Variants in VCAN observed in about 807,000 individuals in gnomAD.
VCAN encodes the protein versican core protein.
VCAN carries 44 observed loss-of-function variants against 245.5 expected under a neutral mutation model. The ratio of observed to expected loss-of-function variants is 0.18; its 90% CI spans 0.14 to 0.23. VCAN has a LOEUF of 0.23. Among genes scored for constraint, VCAN ranks in the 10% least tolerant of loss-of-function variants. The pLI, the probability that VCAN is intolerant of heterozygous loss-of-function variation, is 1.00. For missense variants in VCAN, 3,793 were observed against 4,057.9 expected (o/e 0.93, Z 1.77); for synonymous variants, 1,413 against 1,437.0 (o/e 0.98, Z 0.38).
chr5:83,472,294 A>C (rs1476008242), intron 1 of VCAN, among the ~76,000 whole-genome samples: 2 of 151,958 alleles, frequency 1.3e-5, no homozygotes, highest in Non-Finnish European at 2.9e-5. Context: ...TGACTAACGG[A>C]ATTGGGGGAA....
chr5:83,522,441 T>C, intron 7 of VCAN, 132 bp downstream of exon 7: 1 of 928,210 alleles, frequency 1.1e-6, no homozygotes, highest in East Asian at 2.6e-5. Context: ...AATAAATGTT[T>C]TAGCTTCATA....
chr5:83,565,447 GTC>G (rs1748045767), intron 12 of VCAN, among the ~76,000 whole-genome samples: 1 of 151,520 alleles, frequency 6.6e-6, no homozygotes, highest in African/African-American at 2.4e-5. Context: ...GAGAGACAGA[GTC>G]TCAAATTTAT....
intron 7 of VCAN, among the ~76,000 whole-genome samples, chr5:83,527,503 A>G (rs1298477017): frequency 6.6e-6 from 1 of 152,230 alleles, no homozygotes; most frequent in Non-Finnish European, 1.5e-5. Context: ...AATAAAAGGG[A>G]AGAGAATGTT....
intron 7 of VCAN, among the ~76,000 whole-genome samples, chr5:83,525,561 T>A (rs901725311): frequency 6.6e-6 from 1 of 152,210 alleles, no homozygotes; most frequent in Admixed American, 6.5e-5. Context: ...CAAATGCTCT[T>A]AGTTATAACC....
chr5:83,497,849 T>TA (rs982929025), intron 5 of VCAN, among the ~76,000 whole-genome samples: 3 of 152,184 alleles, frequency 2.0e-5, no homozygotes, highest in African/African-American at 7.2e-5. Context: ...GCAGATACTT[T>TA]AAAAAATAAG....
chr5:83,545,160 T>C (rs1747155865), intron 8 of VCAN: 1 of 319,824 alleles, frequency 3.1e-6, no homozygotes, highest in African/African-American at 2.1e-5. Context: ...TCACATGAAC[T>C]AACCCCATTT....
rs962773800 is a variant in VCAN, at chr5:83,542,013, C to T, written c.9010C>T (p.Leu3004Phe). 4 of 1,610,172 alleles carry T rather than the reference C, an allele frequency of 2.5e-6. No individual in the cohort carries two copies. In the African/African-American group the frequency reaches 4.0e-5, roughly 16 times the overall value. ...LSPQTSERPT[L>F]SSSPEINPET... ...TCCACAGACTTCTGAGAGGCCCACG[C>T]TTTCTTCTTCTCCAGAAATAAACCC... Residue 3004 changes from leucine to phenylalanine, a missense_variant, in exon 8 of 15, where the codon CTT becomes TTT. By Grantham distance (22) the Leu-to-Phe change is conservative (BLOSUM62 0). Around this residue, in one of 5 missense-constraint regions of VCAN, gnomAD observed 3,182 missense variants for 3,250.3 expected, o/e 0.98. Transcript: ENST00000265077.
intron 5 of VCAN, among the ~76,000 whole-genome samples, chr5:83,509,926 G>A (rs1745600129): frequency 6.6e-6 from 1 of 152,128 alleles, no homozygotes; most frequent in African/African-American, 2.4e-5. Flanking sequence ...ATGTGCTGTT[G>A]GGAAGGATAG....
intron 1 of VCAN, among the ~76,000 whole-genome samples, chr5:83,473,392 G>A (rs1231652038): frequency 2.6e-5 from 4 of 152,144 alleles, no homozygotes; most frequent in Non-Finnish European, 5.9e-5. Flanking sequence ...AATCTACACG[G>A]CGCCTGGAGA....
At chr5:83,548,771 C>T (rs1747339047) in intron 10 of VCAN, among the ~76,000 whole-genome samples, 2 of 152,212 alleles carry the variant, frequency 1.3e-5, no homozygotes, top group Non-Finnish European at 2.9e-5. Context: ...ATTTCCTCTA[C>T]TTAAACTCGT....
At chr5:83,491,214 T>C (rs1013991152) in intron 3 of VCAN, among the ~76,000 whole-genome samples, 4 of 152,178 alleles carry the variant, frequency 2.6e-5, no homozygotes, top group Non-Finnish European at 5.9e-5. Flanking sequence ...TTTAATTGGG[T>C]ACACACATAA....
chr5:83,514,426 A>ATG (rs1745773759), intron 6 of VCAN, among the ~76,000 whole-genome samples: 1 of 132,050 alleles, frequency 7.6e-6, no homozygotes, highest in South Asian at 2.6e-4. Context: ...TTTTTAGTGT[A>ATG]TATGTGTGTG....
Position 83,539,896 on chromosome 5 carries a change from T to C in VCAN, c.6893T>C (p.Ile2298Thr). ...GTGGAAAGTACCTCAAGTGACAAAA[T>C]TGAAGACTTTAACAGAATGGAAAAT... ...SQVESTSSDK[I>T]EDFNRMENVA... Residue 2298 changes from isoleucine (I) to threonine (T), a missense_variant, in exon 8 of 15, where the codon ATT becomes ACT. Ile to Thr is a moderately conservative substitution (Grantham distance 89). This residue lies in a region of VCAN where 3,182 missense variants were observed against 3,250.3 expected (regional missense o/e 0.98). Transcript: ENST00000265077. 4 of 1,614,040 alleles carry C rather than the reference T, an allele frequency of 2.5e-6. No individual in the cohort carries two copies. The highest frequency in any genetic ancestry group is 1.1e-5 in the South Asian group (1 of 91,084).
In VCAN at chr5:83,519,540, C is replaced by G; in HGVS notation, c.1234C>G (p.Pro412Ala). The change falls in exon 7 of 15, where the codon CCT (proline) becomes GCT (alanine). Residue 412 changes from proline to alanine, a missense_variant. By Grantham distance (27) the Pro-to-Ala change is conservative. This residue lies in a region of VCAN where 3,182 missense variants were observed against 3,250.3 expected (regional missense o/e 0.98). Coordinates refer to ENST00000265077, the MANE Select transcript of VCAN (RefSeq NM_004385.5). ...VSFEQKATVQ[P>A]QAITDSLATK... ...TTTTGAACAGAAAGCCACAGTCCAA[C>G]CTCAGGCTATCACAGATAGTTTAGC... The G allele has an allele frequency of 6.2e-7, 1 of 1,614,142 alleles. No individual in the cohort carries two copies. The highest frequency in any genetic ancestry group is 8.5e-7 in the Non-Finnish European group (1 of 1,179,986).
At chr5:83,546,637 G>C (rs1176614806) in intron 9 of VCAN, among the ~76,000 whole-genome samples, 1 of 152,000 alleles carries the variant, frequency 6.6e-6, no homozygotes, top group Non-Finnish European at 1.5e-5. Context: ...CAGCTACTTG[G>C]GAGGCTGAGG....
In VCAN at chr5:83,538,862, G is replaced by A. The variant is rs80028865; in HGVS notation, c.5859G>A (p.Thr1953=). 39 of 1,613,924 alleles carry A rather than the reference G, an allele frequency of 2.4e-5. 1 individual carries two copies. The Middle Eastern group carries it at 6.6e-4, about 27-fold the overall frequency. ...TVSHPIAKEE[T]VMMEGSGDAA... ...CTCATCCCATAGCAAAAGAAGAAAC[G>A]GTAATGATGGAAGGCTCTGGAGATG... is the stretch of plus-strand genomic sequence containing the variant. The change falls in exon 8 of 15, where the codon ACG becomes ACA. Residue 1953 remains threonine, a synonymous_variant. Coordinates refer to ENST00000265077, the MANE Select transcript of VCAN (RefSeq NM_004385.5).
rs1314510828 is a variant in VCAN at position 83,539,906 on chromosome 5, T to C, written c.6903T>C (p.Phe2301=). The change falls in exon 8 of 15, where the codon TTT becomes TTC. Residue 2301 remains phenylalanine, a synonymous_variant. Coordinates refer to ENST00000265077, the MANE Select transcript of VCAN (RefSeq NM_004385.5). Reference sequence around the variant, plus strand: ...CCTCAAGTGACAAAATTGAAGACTTTAACAGAATGGAAAATGTGGCAAAAG... The same window carrying C: ...CCTCAAGTGACAAAATTGAAGACTTCAACAGAATGGAAAATGTGGCAAAAG... The part of the protein sequence containing the change: ...ESTSSDKIED[F]NRMENVAKEV... The C allele has an allele frequency of 9.3e-6, 15 of 1,614,064 alleles. No homozygotes were observed. Among genetic ancestry groups the C allele is most frequent in the Non-Finnish European group, 1.3e-5 (15 of 1,179,970 alleles).
At chr5:83,472,318 T>C (rs1443976404) in intron 1 of VCAN, among the ~76,000 whole-genome samples, 1 of 151,922 alleles carries the variant, frequency 6.6e-6, no homozygotes, top group Admixed American at 6.6e-5. Context: ...AGGGAATAAA[T>C]TGTAAAGAAA....
intron 5 of VCAN, among the ~76,000 whole-genome samples, chr5:83,505,181 C>A (rs1026450355): frequency 6.6e-6 from 1 of 152,110 alleles, no homozygotes; most frequent in Non-Finnish European, 1.5e-5. Context: ...ATTTCAAAAC[C>A]AATCATGCCT....
Sources: allele counts gnomAD v4.1 joint callset (sites outside exome capture counted in the v4.1 genomes callset), GRCh38; gene constraint gnomAD v4.1.1; regional missense constraint gnomAD v4.1.1; transcripts MANE v1.5; gene names NCBI Gene and HGNC (gene_info 2026-07-23, HGNC 2026-07-21).